Variants in GRIA3 observed in about 807,000 individuals in gnomAD.
The protein encoded by GRIA3 is glutamate receptor 3.
In GRIA3, 3 loss-of-function variants were observed where a neutral mutation model predicts 63.0. The observed-to-expected ratio is 0.05, with a 90% CI of 0.02 to 0.12. The LOEUF (loss-of-function observed/expected upper bound fraction) is 0.12. Ranked by LOEUF, GRIA3 falls within the 10% of genes least tolerant of loss-of-function variation. The pLI is 1.00. For synonymous variants in GRIA3, 274 were observed against 257.9 expected, an observed-to-expected ratio of 1.06 and a Z score of -0.60; for missense variants, 347 against 700.9, an observed-to-expected ratio of 0.50 and a Z score of 5.70.
intron 5 of GRIA3, among the ~76,000 whole-genome samples, chrX:123,371,934 C>T (rs911908461): frequency 2.7e-5 from 3 of 111,166 alleles, no homozygotes; most frequent in African/African-American, 9.8e-5. Flanking sequence ...TAGAGTGTTA[C>T]TCAAGAAATT....
intron 2 of GRIA3, among the ~76,000 whole-genome samples, chrX:123,230,175 G>A (rs2044268786): frequency 8.9e-6 from 1 of 111,735 alleles, no homozygotes; most frequent in Non-Finnish European, 1.9e-5. Context: ...TTGGACTTTT[G>A]GTGCCATCAC....
At chrX:123,315,336 T>C (rs1270210284) in intron 3 of GRIA3, among the ~76,000 whole-genome samples, 11 of 112,239 alleles carry the variant, frequency 9.8e-5, no homozygotes, top group Non-Finnish European at 1.9e-5. Context: ...CATATGCAAA[T>C]ATAAAGGGGT....
chrX:123,371,262 A>T (rs1301850988), intron 5 of GRIA3, among the ~76,000 whole-genome samples: 1 of 109,797 alleles, frequency 9.1e-6, no homozygotes, highest in South Asian at 3.9e-4. Flanking sequence ...TATTTATCAC[A>T]TTTTCTTTAT....
intron 2 of GRIA3, among the ~76,000 whole-genome samples, chrX:123,213,429 T>A (rs1928087403): frequency 1.8e-5 from 2 of 112,139 alleles, no homozygotes; most frequent in African/African-American, 3.2e-5. Context: ...ATTGTACAGA[T>A]GAAGGGAAGA....
chrX:123,364,902 A>C (rs183288952), intron 5 of GRIA3, among the ~76,000 whole-genome samples: 121 of 112,571 alleles, frequency 1.1e-3, no homozygotes, highest in Admixed American at 2.4e-3. Context: ...GTATATGTGG[A>C]ATCTTAAAAC....
intron 3 of GRIA3, among the ~76,000 whole-genome samples, chrX:123,318,380 G>C (rs754838906): frequency 1.2e-4 from 13 of 112,087 alleles, no homozygotes; most frequent in Non-Finnish European, 2.3e-4. Flanking sequence ...TGCATCGTCA[G>C]GCTGCAAATT....
chrX:123,274,810 G>C (rs1461374693), intron 3 of GRIA3, among the ~76,000 whole-genome samples: 1 of 111,525 alleles, frequency 9.0e-6, no homozygotes, highest in Non-Finnish European at 1.9e-5. Context: ...AAAAATATTA[G>C]GGAAGTGAAG....
chrX:123,296,078 C>T (rs188841004), intron 3 of GRIA3, among the ~76,000 whole-genome samples: 1 of 111,497 alleles, frequency 9.0e-6, no homozygotes, highest in African/African-American at 3.3e-5. Flanking sequence ...ATTACTGATG[C>T]AACCTTGACT....
intron 5 of GRIA3, among the ~76,000 whole-genome samples, chrX:123,366,631 C>G (rs2045212082): frequency 8.9e-6 from 1 of 111,803 alleles, no homozygotes; most frequent in Non-Finnish European, 1.9e-5. Context: ...AACAGTAAAG[C>G]AAAATAAGCC....
rs138955083 is a variant in GRIA3 at position 123,408,896 on chromosome X, G to A, written c.1500+3982G>A. Among the ~76,000 whole-genome samples the A allele has an allele frequency of 5.3e-5, 6 of 112,298 alleles. No homozygotes were observed. The East Asian group carries it at 1.7e-3, about 31-fold the overall frequency. On this transcript the variant is annotated intron_variant, in intron 10 of 15. Transcript: ENST00000620443. ...AATATACATTCTTATCATGCTTGGAGTAAAAGCTCTCTGTTAAAGAGGATG... is the reference window on the plus strand; with the variant it reads ...AATATACATTCTTATCATGCTTGGAATAAAAGCTCTCTGTTAAAGAGGATG...
intron 3 of GRIA3, among the ~76,000 whole-genome samples, chrX:123,313,774 G>C (rs1201863012): frequency 8.9e-6 from 1 of 111,813 alleles, no homozygotes; most frequent in Non-Finnish European, 1.9e-5. Flanking sequence ...AAGTCCATAG[G>C]CACAGGCCAC....
chrX:123,253,511 G>A lies in GRIA3; in HGVS notation c.477G>A (p.Glu159=). The change falls in exon 3 of 16, where the codon GAG becomes GAA. Residue 159 remains glutamate (E), a synonymous_variant. Coordinates refer to ENST00000620443, the MANE Select transcript of GRIA3 (RefSeq NM_007325.5). ...ILSLLGHYKW[E]KFVYLYDTER... ...GTCTTCTGGGTCATTACAAGTGGGA[G>A]AAGTTTGTGTACCTCTATGACACAG... 8.3e-7 allele frequency: 1 copy of A among 1,208,180 alleles called. No individual in the cohort carries two copies.
chrX:123,198,636 CA>C (rs201263633), intron 2 of GRIA3, among the ~76,000 whole-genome samples: 3 of 109,001 alleles, frequency 2.8e-5, no homozygotes, highest in Admixed American at 1.9e-4. Flanking sequence ...TGCTTGGGGA[CA>C]AAAAAAAAGT....
intron 12 of GRIA3, among the ~76,000 whole-genome samples, chrX:123,455,212 C>T (rs181711816): frequency 8.9e-6 from 1 of 111,970 alleles, no homozygotes; most frequent in East Asian, 2.8e-4. Flanking sequence ...TCTTTCCCTT[C>T]CTTTCCCCTG....
intron 2 of GRIA3, chrX:123,204,538 T>C (rs982917093): frequency 8.6e-7 from 1 of 1,163,561 alleles, no homozygotes; most frequent in Admixed American, 2.6e-5. Flanking sequence ...AGCTGTAAAG[T>C]TGCAGGTTGA....
chrX:123,286,220 T>C (rs1200416432), intron 3 of GRIA3, among the ~76,000 whole-genome samples: 3 of 111,603 alleles, frequency 2.7e-5, no homozygotes, highest in African/African-American at 9.8e-5. Context: ...TTGAAACCAA[T>C]GAGAACAAAG....
chrX:123,350,788 C>T (rs937636186), intron 4 of GRIA3, among the ~76,000 whole-genome samples: 6 of 112,204 alleles, frequency 5.3e-5, no homozygotes, highest in South Asian at 3.7e-4. Flanking sequence ...CTTTCTTCTA[C>T]GAATGAAACT....
At chrX:123,467,990 A>G (rs2045843324) in intron 13 of GRIA3, among the ~76,000 whole-genome samples, 2 of 112,130 alleles carry the variant, frequency 1.8e-5, no homozygotes, top group Admixed American at 1.9e-4. Context: ...ATTTCAGTAG[A>G]TCCTAAATGT....
intron 2 of GRIA3, among the ~76,000 whole-genome samples, chrX:123,201,757 A>G (rs1184133760): frequency 8.9e-6 from 1 of 111,833 alleles, no homozygotes; most frequent in East Asian, 2.8e-4. Context: ...TGTTGGTAGT[A>G]ACTGATTATT....
Sources: gnomAD v4.1 joint callset for allele counts (sites outside exome capture counted in the v4.1 genomes callset) on GRCh38, gnomAD v4.1.1 for gene constraint, MANE v1.5 for transcripts, NCBI Gene and HGNC (gene_info 2026-07-23, HGNC 2026-07-21) for gene names.